Variants in EYS observed in about 807,000 individuals in gnomAD.
The protein encoded by EYS is protein eyes shut homolog.
In EYS, 250 loss-of-function variants were observed where a neutral mutation model predicts 282.1. The ratio of observed to expected loss-of-function variants is 0.89; its 90% confidence interval spans 0.80 to 0.98. The LOEUF (loss-of-function observed/expected upper bound fraction) is 0.98. Ranked by LOEUF, EYS falls within the 50% of genes least tolerant of loss-of-function variation. The pLI, the probability that EYS is intolerant of heterozygous loss-of-function variation, is 0.00. For synonymous variants in EYS, 1,355 were observed against 1,282.9 expected (o/e 1.06, Z -1.20); for missense variants, 4,016 against 3,709.0 (o/e 1.08, Z -2.15).
chr6:65,070,950 C>A (rs1175560331), intron 12 of EYS, among the ~76,000 whole-genome samples: 1 of 151,806 alleles, frequency 6.6e-6, no homozygotes, highest in Admixed American at 6.6e-5. Flanking sequence ...TTGCATTTTA[C>A]ATTATTTAGA....
At chr6:64,048,939 C>T (rs1260766873) in intron 33 of EYS, among the ~76,000 whole-genome samples, 1 of 152,050 alleles carries the variant, frequency 6.6e-6, no homozygotes, top group Non-Finnish European at 1.5e-5. Flanking sequence ...TGCTGTTTCT[C>T]TCACTTGAAA....
rs193004707 is a variant in EYS at position 65,572,717 on chromosome 6, T to C, written c.-333+67061A>G. Among the ~76,000 whole-genome samples, 461 of 152,266 alleles carry C rather than the reference T, an allele frequency of 3.0e-3. 3 individuals are homozygous for C. Among genetic ancestry groups the C allele is most frequent in the Non-Finnish European group, 4.6e-3 (313 of 67,996 alleles). On this transcript the variant is annotated intron_variant, in intron 2 of 42. Transcript: ENST00000503581. ...ATACTCTTGGATGTTCATACAATAATAGCAAAATTGTCCAACAATGCATTT... is the reference window on the plus strand; with the variant it reads ...ATACTCTTGGATGTTCATACAATAACAGCAAAATTGTCCAACAATGCATTT...
chr6:65,035,031 A>G (rs1460572487), intron 13 of EYS, among the ~76,000 whole-genome samples: 3 of 152,178 alleles, frequency 2.0e-5, no homozygotes, highest in Admixed American at 6.6e-5. Context: ...AGTAGGCCAT[A>G]TTCCTGGGAT....
Position 64,591,825 on chromosome 6 carries a change from A to G in EYS, c.4042T>C (p.Ser1348Pro). Residue 1348 changes from serine to proline, a missense_variant, in exon 26 of 43, where the codon TCT becomes CCT. Physicochemically the swap from Ser to Pro is moderately conservative, Grantham distance 74 (BLOSUM62 -1). Coordinates refer to ENST00000503581, the MANE Select transcript of EYS (RefSeq NM_001142800.2). ...CGAATACCAAAATTCAGGAATCGAG[A>G]AGAGGAAACATCTGCGGAAGAAAGA... Reference protein sequence around the residue: ...SLLSSADVSSSRFLNFGIRDP... With the variant: ...SLLSSADVSSPRFLNFGIRDP... 1 of 1,551,270 alleles carries G rather than the reference A, an allele frequency of 6.4e-7. No homozygotes were observed. Among genetic ancestry groups the G allele is most frequent in the Non-Finnish European group, 8.7e-7 (1 of 1,146,708 alleles).
intron 13 of EYS, among the ~76,000 whole-genome samples, chr6:65,004,290 T>G (rs1771565806): frequency 1.4e-5 from 2 of 147,694 alleles, no homozygotes; most frequent in South Asian, 4.4e-4. Flanking sequence ...TATAAATGAA[T>G]TTGTCAGAAA....
intron 22 of EYS, among the ~76,000 whole-genome samples, chr6:64,780,508 G>A (rs558552607): frequency 2.9e-4 from 44 of 152,250 alleles, no homozygotes; most frequent in Admixed American, 7.2e-4. Context: ...AGACACTGGG[G>A]ACTCCAGAAG....
At chr6:65,348,963 TA>T (rs1475913542) in intron 9 of EYS, among the ~76,000 whole-genome samples, 1 of 151,618 alleles carries the variant, frequency 6.6e-6, no homozygotes, top group Non-Finnish European at 1.5e-5. Context: ...CAACATTCTC[TA>T]ATATTTTTAT....
At chr6:65,262,312 C>T (rs1319471894) in intron 12 of EYS, among the ~76,000 whole-genome samples, 1 of 152,044 alleles carries the variant, frequency 6.6e-6, no homozygotes, top group Non-Finnish European at 1.5e-5. Flanking sequence ...GGACTAAGCA[C>T]ATACTTAATC....
chr6:65,589,662 A>G (rs1765167121), intron 2 of EYS, among the ~76,000 whole-genome samples: 1 of 152,050 alleles, frequency 6.6e-6, no homozygotes, highest in South Asian at 2.1e-4. Context: ...TAGAATGCCT[A>G]GAAAACCAAA....
intron 22 of EYS, among the ~76,000 whole-genome samples, chr6:64,807,731 T>C (rs1216430130): frequency 6.6e-6 from 1 of 152,108 alleles, no homozygotes; most frequent in Non-Finnish European, 1.5e-5. Context: ...CACTTCTCTA[T>C]AAATCACCTG....
chr6:65,694,674 C>A (rs1393226725), intron 1 of EYS, among the ~76,000 whole-genome samples: 2 of 147,052 alleles, frequency 1.4e-5, no homozygotes, highest in Admixed American at 6.9e-5. Flanking sequence ...TCACCTTCTG[C>A]AAATTGATGC....
chr6:64,483,206 A>G (rs558978561), intron 26 of EYS, among the ~76,000 whole-genome samples: 15 of 151,828 alleles, frequency 9.9e-5, no homozygotes, highest in Non-Finnish European at 1.9e-4. Context: ...AATATAATAA[A>G]TAGGCATAAC....
intron 1 of EYS, among the ~76,000 whole-genome samples, chr6:65,688,234 G>T (rs951341143): frequency 6.6e-6 from 1 of 151,970 alleles, no homozygotes; most frequent in Non-Finnish European, 1.5e-5. Flanking sequence ...CCAAAACAGA[G>T]ATATAGACTA....
intron 12 of EYS, among the ~76,000 whole-genome samples, chr6:65,139,611 G>T (rs979838748): frequency 2.0e-5 from 3 of 151,900 alleles, no homozygotes; most frequent in Non-Finnish European, 2.9e-5. Context: ...ATACAGACCC[G>T]CTCCCACCCT....
chr6:65,330,200 G>A (rs533550545), intron 11 of EYS: 1 of 954,490 alleles, frequency 1.0e-6, no homozygotes, highest in Non-Finnish European at 1.2e-6. Context: ...CATTACCTGG[G>A]GACAGGTATC....
chr6:64,376,217 TTAA>T (rs1243119866), intron 29 of EYS, among the ~76,000 whole-genome samples: 27 of 152,228 alleles, frequency 1.8e-4, no homozygotes, highest in African/African-American at 6.5e-4. Context: ...TTAGGGGAAG[TTAA>T]CTCAGACTTA....
intron 5 of EYS, among the ~76,000 whole-genome samples, chr6:65,452,921 A>C (rs1038565712): frequency 4.6e-5 from 7 of 152,076 alleles, no homozygotes; most frequent in Non-Finnish European, 7.4e-5. Flanking sequence ...GAAATCCAAA[A>C]GAAGACTTTC....
At chr6:64,180,197 C>T (rs1374695493) in intron 31 of EYS, among the ~76,000 whole-genome samples, 1 of 152,074 alleles carries the variant, frequency 6.6e-6, no homozygotes, top group Non-Finnish European at 1.5e-5. Context: ...CAAACTGGCA[C>T]ATTTAAATTC....
chr6:64,471,711 C>G (rs1326054013), intron 26 of EYS, among the ~76,000 whole-genome samples: 1 of 152,144 alleles, frequency 6.6e-6, no homozygotes, highest in Non-Finnish European at 1.5e-5. Flanking sequence ...CAATGACATT[C>G]TTCACAGAAC....
Sources: allele counts gnomAD v4.1 joint callset (sites outside exome capture counted in the v4.1 genomes callset), GRCh38; gene constraint gnomAD v4.1.1; transcripts MANE v1.5; gene names NCBI Gene and HGNC (gene_info 2026-07-23, HGNC 2026-07-21).